TENM3: variants seen among roughly 807,000 people sequenced by gnomAD.
TENM3 encodes teneurin-3.
TENM3 carries 63 observed loss-of-function variants against 255.1 expected under a neutral mutation model. The ratio of observed to expected loss-of-function variants is 0.25; its 90% CI spans 0.20 to 0.30. The LOEUF (loss-of-function observed/expected upper bound fraction) is 0.30, where lower values mean the gene tolerates loss of function less well. TENM3 is among the 10% of genes least tolerant of loss of function. The probability of loss-of-function intolerance (pLI) is 1.00; values close to 1 mark genes in which losing one functional copy is unlikely to be tolerated. For synonymous variants in TENM3, 1,306 were observed against 1,322.3 expected (o/e 0.99, Z 0.27); for missense variants, 2,929 against 3,461.1 (o/e 0.85, Z 3.86).
chr4:181,457,350 A>T, the TENM3 span, among the ~76,000 whole-genome samples: 1 of 151,848 alleles, frequency 6.6e-6, no homozygotes, highest in Non-Finnish European at 1.5e-5. Context: ...AAACAGAGAC[A>T]TCAATATGTT....
chr4:182,488,500 G>T (rs971618156), intron 3 of TENM3, among the ~76,000 whole-genome samples: 1 of 152,124 alleles, frequency 6.6e-6, no homozygotes, highest in Admixed American at 6.6e-5. Flanking sequence ...TAAACATAGT[G>T]CTGGAGAGCA....
intron 1 of TENM3, among the ~76,000 whole-genome samples, chr4:182,181,117 G>A (rs1341574484): frequency 2.6e-5 from 4 of 151,894 alleles, no homozygotes; most frequent in Non-Finnish European, 5.9e-5. Flanking sequence ...AAATCAAAAC[G>A]CAGCAACCAA....
intron 1 of TENM3, among the ~76,000 whole-genome samples, chr4:182,146,911 A>T (rs1750009214): frequency 6.6e-6 from 1 of 152,248 alleles, no homozygotes; most frequent in East Asian, 1.9e-4. Context: ...TTTTAGGTAA[A>T]TTATTGAGGC....
At chr4:182,047,205 T>G in the TENM3 span, among the ~76,000 whole-genome samples, 1 of 152,114 alleles carries the variant, frequency 6.6e-6, no homozygotes, top group Non-Finnish European at 1.5e-5. Context: ...CTGTCATAAT[T>G]CCACTTGCTG....
intron 3 of TENM3, among the ~76,000 whole-genome samples, chr4:182,507,679 C>T (rs941112696): frequency 2.0e-5 from 3 of 152,148 alleles, no homozygotes; most frequent in Non-Finnish European, 2.9e-5. Flanking sequence ...ACTTAGAGAA[C>T]GAGATTCTTT....
chr4:181,579,589 A>G, the TENM3 span, among the ~76,000 whole-genome samples: 1 of 152,194 alleles, frequency 6.6e-6, no homozygotes, highest in Non-Finnish European at 1.5e-5. Flanking sequence ...AATCTTTTAT[A>G]ACTATACCAA....
the TENM3 span, among the ~76,000 whole-genome samples, chr4:181,523,262 A>C: frequency 6.6e-6 from 1 of 152,192 alleles, no homozygotes; most frequent in Admixed American, 6.5e-5. Flanking sequence ...AGTTAAAATT[A>C]TTTATGCGTA....
At chr4:181,842,980 T>C in the TENM3 span, among the ~76,000 whole-genome samples, 1 of 152,220 alleles carries the variant, frequency 6.6e-6, no homozygotes, top group Non-Finnish European at 1.5e-5. Flanking sequence ...ACAAACAGAT[T>C]CCATCTTCTC....
intron 12 of TENM3, among the ~76,000 whole-genome samples, chr4:182,713,418 T>A (rs932565108): frequency 6.6e-6 from 1 of 152,240 alleles, no homozygotes; most frequent in African/African-American, 2.4e-5. Flanking sequence ...TTAGAATAGA[T>A]GCTAAGCTGC....
At chr4:181,826,580 A>G in the TENM3 span, among the ~76,000 whole-genome samples, 1 of 152,334 alleles carries the variant, frequency 6.6e-6, no homozygotes, top group South Asian at 2.1e-4. Flanking sequence ...CCATCAGCAA[A>G]GTGGCTATTA....
At chr4:181,841,362 A>G in the TENM3 span, among the ~76,000 whole-genome samples, 1 of 152,144 alleles carries the variant, frequency 6.6e-6, no homozygotes, top group East Asian at 1.9e-4. Context: ...CAATTGCATC[A>G]GAGCATCTTG....
chr4:182,047,918 A>C, the TENM3 span, among the ~76,000 whole-genome samples: 1 of 152,138 alleles, frequency 6.6e-6, no homozygotes, highest in African/African-American at 2.4e-5. Flanking sequence ...ACTATATAAG[A>C]AATGTCATAC....
the TENM3 span, among the ~76,000 whole-genome samples, chr4:181,969,389 A>G: frequency 1.3e-5 from 2 of 152,206 alleles, no homozygotes; most frequent in Admixed American, 6.5e-5. Flanking sequence ...CAGTGATTTA[A>G]TGTGTCTGAG....
At position 182,572,059 on chromosome 4, in the gene TENM3, G is replaced by A. The variant is rs552898656; in HGVS notation, c.512-28865G>A. Reference sequence around the variant, plus strand: ...TGGGACTACAGGCGCCTGCCACCACGCCCGGCTCATTTTTGTATTTTTAGT... The same window carrying A: ...TGGGACTACAGGCGCCTGCCACCACACCCGGCTCATTTTTGTATTTTTAGT... On this transcript the variant is annotated intron_variant, in intron 3 of 27. Coordinates refer to ENST00000511685, the MANE Select transcript of TENM3 (RefSeq NM_001080477.4). 5.3e-5 allele frequency among the ~76,000 whole-genome samples: 8 copies of A among 152,142 alleles called. No homozygotes were observed. In the South Asian group the frequency reaches 1.7e-3, roughly 32 times the overall value.
the TENM3 span, chr4:181,906,081 G>T: frequency 3.0e-6 from 1 of 337,706 alleles, no homozygotes; most frequent in South Asian, 3.1e-5. Flanking sequence ...ACTTTCCGTA[G>T]TAATTCCAGT....
At chr4:181,564,909 C>CT in the TENM3 span, among the ~76,000 whole-genome samples, 1 of 152,066 alleles carries the variant, frequency 6.6e-6, no homozygotes, top group East Asian at 1.9e-4. Flanking sequence ...AGCTTTGTGG[C>CT]TTTCTGATCA....
At chr4:182,170,874 T>TTAAGTG (rs1449757014) in intron 1 of TENM3, among the ~76,000 whole-genome samples, 1 of 152,156 alleles carries the variant, frequency 6.6e-6, no homozygotes, top group Non-Finnish European at 1.5e-5. Flanking sequence ...TAAAATATTT[T>TTAAGTG]TAAGTGAGTT....
At chr4:182,315,004 G>T (rs1440288168) in intron 1 of TENM3, among the ~76,000 whole-genome samples, 3 of 152,036 alleles carry the variant, frequency 2.0e-5, no homozygotes, top group African/African-American at 4.8e-5. Context: ...ATATAACACT[G>T]TCTGCCTTGA....
the TENM3 span, among the ~76,000 whole-genome samples, chr4:182,129,245 T>G: frequency 6.6e-6 from 1 of 152,212 alleles, no homozygotes; most frequent in Non-Finnish European, 1.5e-5. Context: ...TGATTTGAAT[T>G]ACTACCTACA....
Sources: gnomAD v4.1 joint callset for allele counts (sites outside exome capture counted in the v4.1 genomes callset) on GRCh38, gnomAD v4.1.1 for gene constraint, MANE v1.5 for transcripts, NCBI Gene and HGNC (gene_info 2026-07-23, HGNC 2026-07-21) for gene names.